ZHX3: variants seen among roughly 807,000 people sequenced by gnomAD.
ZHX3 encodes zinc fingers and homeoboxes 3.
ZHX3 carries 20 observed loss-of-function variants against 64.5 expected under a neutral mutation model. That is an observed-to-expected ratio of 0.31 (90% CI 0.22 to 0.45). ZHX3 has a LOEUF of 0.45. Ranked by LOEUF, ZHX3 falls within the 20% of genes least tolerant of loss-of-function variation. ZHX3 has a pLI of 1.00. For synonymous variants in ZHX3, 423 were observed against 461.6 expected, an observed-to-expected ratio of 0.92 and a Z score of 1.07; for missense variants, 1,041 against 1,195.8, an observed-to-expected ratio of 0.87 and a Z score of 1.91.
intron 1 of ZHX3, among the ~76,000 whole-genome samples, chr20:41,314,204 T>G (rs1160032150): frequency 6.6e-6 from 1 of 152,182 alleles, no homozygotes; most frequent in Non-Finnish European, 1.5e-5. Flanking sequence ...AATGCAATTA[T>G]ACATTTTACT....
intron 1 of ZHX3, among the ~76,000 whole-genome samples, chr20:41,274,436 T>C (rs1197133549): frequency 1.3e-5 from 2 of 152,192 alleles, no homozygotes; most frequent in African/African-American, 4.8e-5. Context: ...GAGTCAGAGC[T>C]TAAAGTATCA....
intron 2 of ZHX3, among the ~76,000 whole-genome samples, chr20:41,222,654 G>C (rs1187265526): frequency 6.6e-6 from 1 of 152,212 alleles, no homozygotes; most frequent in Non-Finnish European, 1.5e-5. Flanking sequence ...TGAGGTGTGA[G>C]ACAGCGCCTT....
intron 2 of ZHX3, among the ~76,000 whole-genome samples, chr20:41,234,533 T>G (rs1162919336): frequency 6.6e-6 from 1 of 152,218 alleles, no homozygotes; most frequent in Non-Finnish European, 1.5e-5. Context: ...TGTCCTCAAG[T>G]TAAGAGTGAC....
chr20:41,286,283 TGAA>T (rs1160335373), intron 1 of ZHX3, among the ~76,000 whole-genome samples: 1 of 152,248 alleles, frequency 6.6e-6, no homozygotes, highest in East Asian at 1.9e-4. Context: ...CAATGGTCAG[TGAA>T]TGATAAACTT....
chr20:41,236,793 A>G (rs542268316), intron 2 of ZHX3, among the ~76,000 whole-genome samples: 3,254 of 152,240 alleles, frequency 0.021, 106 homozygotes, highest in African/African-American at 0.073. Flanking sequence ...AAGAGCTTCT[A>G]CAAAGCAAAA....
intron 2 of ZHX3, among the ~76,000 whole-genome samples, chr20:41,266,814 G>A (rs1245552603): frequency 6.9e-6 from 1 of 145,838 alleles, no homozygotes; most frequent in Non-Finnish European, 1.5e-5. Flanking sequence ...CAAAGTGCTA[G>A]GATTACAGGC....
chr20:41,267,638 A>T (rs2042927990), intron 2 of ZHX3: 2 of 152,216 alleles, frequency 1.3e-5, no homozygotes, highest in Non-Finnish European at 2.9e-5. Context: ...AGAAGGATAG[A>T]GTGATTCCAG....
intron 2 of ZHX3, among the ~76,000 whole-genome samples, chr20:41,215,770 T>TA (rs55922605): frequency 0.43 from 42,956 of 100,944 alleles, 8,900 homozygotes; most frequent in East Asian, 0.66. Flanking sequence ...ACGTCTCTAC[T>TA]AAAAAAAAAA....
rs370807290 is a variant in ZHX3, at chr20:41,203,861, G to C, written c.1056C>G (p.Phe352Leu). The C allele has an allele frequency of 1.2e-6, 2 of 1,614,140 alleles. No individual in the cohort carries two copies. The highest frequency in any genetic ancestry group is 2.7e-5 in the African/African-American group (2 of 74,954). Residue 352 changes from phenylalanine (F) to leucine (L), a missense_variant, in exon 3 of 4, where the codon TTC becomes TTG. Phe to Leu is a conservative substitution (Grantham distance 22). Around this residue, in one of 4 missense-constraint regions of ZHX3, gnomAD observed 28 missense variants for 66.7 expected, o/e 0.42. Coordinates refer to ENST00000683867, the MANE Select transcript of ZHX3 (RefSeq NM_001384317.1). The surrounding 1 kb of genome is among the most constrained non-coding windows in gnomAD (Gnocchi z 7.1). Reference protein sequence around the residue: ...KYPEEQLKIWFTAQRLKQGIS... With the variant: ...KYPEEQLKIWLTAQRLKQGIS... ...TCCCCTGCTTCAGCCTTTGGGCTGTGAACCAGATCTTGAGCTGTTCTTCTG... is the reference window on the plus strand; with the variant it reads ...TCCCCTGCTTCAGCCTTTGGGCTGTCAACCAGATCTTGAGCTGTTCTTCTG...
intron 1 of ZHX3, among the ~76,000 whole-genome samples, chr20:41,301,242 GACTAC>G (rs2146808674): frequency 6.6e-6 from 1 of 151,208 alleles, no homozygotes. Flanking sequence ...TTCCCCCACC[GACTAC>G]ACTCAATTTA....
intron 3 of ZHX3, among the ~76,000 whole-genome samples, chr20:41,193,134 G>A (rs1277365666): frequency 6.6e-6 from 1 of 152,178 alleles, no homozygotes; most frequent in Admixed American, 6.5e-5. Context: ...TAATGGAAGA[G>A]GCGAGTACAA....
chr20:41,304,845 C>T (rs1292989714), intron 1 of ZHX3, among the ~76,000 whole-genome samples: 1 of 152,172 alleles, frequency 6.6e-6, no homozygotes, highest in Admixed American at 6.5e-5. Flanking sequence ...TGGCTAATGG[C>T]CAAGTGGGTA....
Position 41,201,286 on chromosome 20 carries a change from C to A in ZHX3, c.2860+771G>T. ...AATACTCCGCCCTCCTGGCTCTCACCTGAGCTTCTGGCTGCCCTCTGATGG... is the reference window on the plus strand; with the variant it reads ...AATACTCCGCCCTCCTGGCTCTCACATGAGCTTCTGGCTGCCCTCTGATGG... On this transcript the variant is annotated intron_variant, in intron 3 of 3. Transcript: ENST00000683867. This position sits in a 1 kb window ranked among gnomAD's most constrained non-coding sequence, Gnocchi z 5.0. 2 of 1,302,028 alleles carry A rather than the reference C, an allele frequency of 1.5e-6. 1 individual carries two copies. The highest frequency in any genetic ancestry group is 2.5e-5 in the South Asian group (2 of 80,392). The allele number at this position is 1,302,028 out of a possible 1,614,324, so 80.7% of individuals were successfully genotyped here.
At chr20:41,254,766 T>C (rs1367982495) in intron 2 of ZHX3, 1 of 152,196 alleles carries the variant, frequency 6.6e-6, no homozygotes, top group Non-Finnish European at 1.5e-5. Context: ...ACTCAATTGA[T>C]GTTAGCGAAT....
intron 2 of ZHX3, among the ~76,000 whole-genome samples, chr20:41,243,288 A>C (rs1229961739): frequency 1.3e-5 from 2 of 152,182 alleles, no homozygotes; most frequent in Non-Finnish European, 2.9e-5. Context: ...CATTCTCAAG[A>C]AGTGTAATTA....
chr20:41,270,249 G>A (rs1451671062), intron 1 of ZHX3, among the ~76,000 whole-genome samples: 2 of 151,116 alleles, frequency 1.3e-5, no homozygotes, highest in Non-Finnish European at 3.0e-5. Context: ...GCATGGTGGT[G>A]TGCGCCTGTA....
chr20:41,188,295 A>G (rs558951567), intron 3 of ZHX3: 12 of 151,572 alleles, frequency 7.9e-5, no homozygotes, highest in African/African-American at 2.4e-4. Flanking sequence ...TTTGATTTGT[A>G]TTTCCCTTTT....
At position 41,226,893 on chromosome 20, in the gene ZHX3, CT is replaced by C. The variant is rs2040306059; in HGVS notation, c.-150-21828del. Among the ~76,000 whole-genome samples, 1 of 152,190 alleles carries C rather than the reference CT, an allele frequency of 6.6e-6. No homozygotes were observed. Among genetic ancestry groups the C allele is most frequent in the Non-Finnish European group, 1.5e-5 (1 of 68,032 alleles). ...TGCAGGTACTCAGGGTCTAAGCCCCCTGGAACAATAGAGGGCTATGGCTCTA... is the reference window on the plus strand; with the variant it reads ...TGCAGGTACTCAGGGTCTAAGCCCCCGGAACAATAGAGGGCTATGGCTCTA... On this transcript the variant is annotated intron_variant, in intron 2 of 3. Coordinates refer to ENST00000683867, the MANE Select transcript of ZHX3 (RefSeq NM_001384317.1). The surrounding 1 kb of genome is among the most constrained non-coding windows in gnomAD (Gnocchi z 4.4).
chr20:41,203,022 G>A lies in ZHX3; in HGVS notation c.1895C>T (p.Ala632Val). The A allele has an allele frequency of 6.2e-7, 1 of 1,614,148 alleles. No individual in the cohort carries two copies. ...CTCATCAAGAGGAAGAGGGTTTTGT[G>A]CAAAACTGCTCTCCAGGGCTCTGAG... The part of the protein sequence containing the change: ...EQLRALESSF[A>V]QNPLPLDEEL... The change falls in exon 3 of 4, where the codon GCA becomes GTA. Residue 632 changes from alanine to valine, a missense_variant. Ala to Val is a moderately conservative substitution (Grantham distance 64). This residue lies in a region of ZHX3 where 649 missense variants were observed against 739.8 expected (regional missense o/e 0.88). Coordinates refer to ENST00000683867, the MANE Select transcript of ZHX3 (RefSeq NM_001384317.1). This position sits in a 1 kb window ranked among gnomAD's most constrained non-coding sequence, Gnocchi z 7.1.
Sources: gnomAD v4.1 joint callset for allele counts (sites outside exome capture counted in the v4.1 genomes callset) on GRCh38, gnomAD v4.1.1 for gene constraint, gnomAD v4.1.1 regional missense constraint, Gnocchi (gnomAD v3.1) non-coding constraint, MANE v1.5 for transcripts, NCBI Gene and HGNC (gene_info 2026-07-23, HGNC 2026-07-21) for gene names.